KCTD8: variants seen among roughly 807,000 people sequenced by gnomAD.
KCTD8 encodes potassium channel tetramerization domain containing 8.
In KCTD8, 27 loss-of-function variants were observed where a neutral mutation model predicts 31.5. The observed-to-expected ratio is 0.86, with a 90% CI of 0.63 to 1.18. The LOEUF (loss-of-function observed/expected upper bound fraction) is 1.18, where lower values mean the gene tolerates loss of function less well. Ranked by LOEUF, KCTD8 falls within the 50% of genes most tolerant of loss-of-function variation. The pLI is 0.00. For synonymous variants in KCTD8, 290 were observed against 280.0 expected, an observed-to-expected ratio of 1.04 and a Z score of -0.36; for missense variants, 658 against 647.7, an observed-to-expected ratio of 1.02 and a Z score of -0.17.
At chr4:44,257,068 A>G (rs188638919) in intron 1 of KCTD8, among the ~76,000 whole-genome samples, 1 of 152,134 alleles carries the variant, frequency 6.6e-6, no homozygotes, top group East Asian at 1.9e-4. Context: ...CTGTGATTAT[A>G]GAAAATGTAA....
chr4:44,341,439 C>T (rs901072520), intron 1 of KCTD8, among the ~76,000 whole-genome samples: 2 of 152,178 alleles, frequency 1.3e-5, no homozygotes, highest in Non-Finnish European at 2.9e-5. Context: ...TCACTTGACC[C>T]ACAGTGAAAT....
chr4:44,233,771 G>A (rs1307295047), intron 1 of KCTD8, among the ~76,000 whole-genome samples: 1 of 152,106 alleles, frequency 6.6e-6, no homozygotes, highest in Non-Finnish European at 1.5e-5. Flanking sequence ...ATTATATATA[G>A]TCCTTGAGAA....
rs946741093 is a variant in KCTD8, at chr4:44,243,886, T to C, written c.962-68636A>G. The stretch of plus-strand genomic sequence containing the variant: ...ATCTTCCCATAGGTTATTCTCATTA[T>C]GCAAAAACAATCTTCTGTGCCACAG... On this transcript the variant is annotated intron_variant, in intron 1 of 1. Transcript: ENST00000360029. Among the ~76,000 whole-genome samples the C allele has an allele frequency of 4.6e-5, 7 of 152,246 alleles. No individual in the cohort carries two copies. The East Asian group carries it at 5.8e-4, about 13-fold the overall frequency.
chr4:44,427,967 G>T (rs2109475242), intron 1 of KCTD8, among the ~76,000 whole-genome samples: 1 of 151,696 alleles, frequency 6.6e-6, no homozygotes, highest in East Asian at 1.9e-4. Flanking sequence ...TGTTTCCCTT[G>T]TCATTTTTGA....
chr4:44,353,475 G>C (rs59401133), intron 1 of KCTD8, among the ~76,000 whole-genome samples: 12,788 of 151,924 alleles, frequency 0.084, 931 homozygotes, highest in East Asian at 0.2. Context: ...TTTAAGAACA[G>C]AGCAATTCTA....
intron 1 of KCTD8, among the ~76,000 whole-genome samples, chr4:44,404,084 G>A (rs547413062): frequency 6.6e-6 from 1 of 152,102 alleles, no homozygotes; most frequent in Admixed American, 6.5e-5. Flanking sequence ...AGATTCAATG[G>A]CTTTACAGAG....
intron 1 of KCTD8, among the ~76,000 whole-genome samples, chr4:44,291,423 T>A (rs1717268759): frequency 6.6e-6 from 1 of 152,150 alleles, no homozygotes; most frequent in Non-Finnish European, 1.5e-5. Flanking sequence ...CTGAGATAAC[T>A]GGCTAGCCAT....
chr4:44,286,799 A>G (rs1200820046), intron 1 of KCTD8, among the ~76,000 whole-genome samples: 1 of 152,138 alleles, frequency 6.6e-6, no homozygotes, highest in Non-Finnish European at 1.5e-5. Flanking sequence ...AAGGGTAAAA[A>G]AATAGAGGGA....
chr4:44,447,464 T>C, intron 1 of KCTD8, 99 bp downstream of exon 1: 1 of 1,426,432 alleles, frequency 7.0e-7, no homozygotes, highest in South Asian at 1.6e-5. Flanking sequence ...AACCAGCGCC[T>C]GCCCCGGACA....
At chr4:44,358,842 T>C (rs35504746) in intron 1 of KCTD8, among the ~76,000 whole-genome samples, 15,239 of 152,248 alleles carry the variant, frequency 0.1, 849 homozygotes, top group Admixed American at 0.18. Context: ...GTGTGTTTCC[T>C]GACTTTTTAA....
intron 1 of KCTD8, among the ~76,000 whole-genome samples, chr4:44,381,197 CA>C (rs1720054060): frequency 6.6e-6 from 1 of 151,882 alleles, no homozygotes; most frequent in Admixed American, 6.6e-5. Flanking sequence ...ATATAAATGC[CA>C]TGGGAGATTT....
At chr4:44,253,159 G>A (rs1317381410) in intron 1 of KCTD8, among the ~76,000 whole-genome samples, 1 of 151,592 alleles carries the variant, frequency 6.6e-6, no homozygotes, top group Non-Finnish European at 1.5e-5. Flanking sequence ...TTCACTAGAG[G>A]TTTACCGTTC....
At chr4:44,365,796 C>T (rs1200426962) in intron 1 of KCTD8, among the ~76,000 whole-genome samples, 10 of 151,918 alleles carry the variant, frequency 6.6e-5, no homozygotes, top group Admixed American at 5.9e-4. Flanking sequence ...AATCAGTCAC[C>T]GGCAAAAAGA....
chr4:44,298,195 T>C (rs1696606093), intron 1 of KCTD8, among the ~76,000 whole-genome samples: 1 of 152,180 alleles, frequency 6.6e-6, no homozygotes, highest in African/African-American at 2.4e-5. Flanking sequence ...TTTTTCTCTC[T>C]GTGCTCAGAT....
At chr4:44,198,424 T>A (rs1428841642) in intron 1 of KCTD8, among the ~76,000 whole-genome samples, 1 of 152,044 alleles carries the variant, frequency 6.6e-6, no homozygotes, top group Non-Finnish European at 1.5e-5. Context: ...TTGGGTTACT[T>A]ACAAAGGGAA....
At chr4:44,266,526 G>C (rs969850955) in intron 1 of KCTD8, among the ~76,000 whole-genome samples, 1 of 152,018 alleles carries the variant, frequency 6.6e-6, no homozygotes, top group Admixed American at 6.6e-5. Context: ...ATGACAGGAT[G>C]AAATTCACAC....
chr4:44,287,839 C>A, intron 1 of KCTD8, among the ~76,000 whole-genome samples: 1 of 152,098 alleles, frequency 6.6e-6, no homozygotes, highest in East Asian at 1.9e-4. Flanking sequence ...AAACTAATCC[C>A]TTCAAGAAAA....
intron 1 of KCTD8, among the ~76,000 whole-genome samples, chr4:44,357,478 C>A (rs192891472): frequency 4.9e-4 from 74 of 152,106 alleles, no homozygotes; most frequent in Admixed American, 1.9e-3. Context: ...AAACAAAAGA[C>A]CAAAAATCTA....
rs193245767 is a variant in KCTD8, at chr4:44,352,573, T to G, written c.961+94990A>C. On this transcript the variant is annotated intron_variant, in intron 1 of 1. Transcript: ENST00000360029. Reference sequence around the variant, plus strand: ...TATATTATATATTAAAATTATTATTTCTATTAAAAATAGAAATAATAAAAG... The same window carrying G: ...TATATTATATATTAAAATTATTATTGCTATTAAAAATAGAAATAATAAAAG... Among the ~76,000 whole-genome samples, 5 of 144,314 alleles carry G rather than the reference T, an allele frequency of 3.5e-5. No individual in the cohort carries two copies. The South Asian group carries it at 1.1e-3, about 33-fold the overall frequency. The allele number at this position is 144,314 out of a possible 152,430, so 94.7% of individuals were successfully genotyped here. A position where few individuals can be genotyped will look rare whatever the true frequency, so the allele number is the denominator to read the frequency against.
Sources: allele counts gnomAD v4.1 joint callset (sites outside exome capture counted in the v4.1 genomes callset), GRCh38; gene constraint gnomAD v4.1.1; transcripts MANE v1.5; gene names NCBI Gene and HGNC (gene_info 2026-07-23, HGNC 2026-07-21).